Variants in GRIK2 observed in about 807,000 individuals in gnomAD.
The protein encoded by GRIK2 is glutamate ionotropic receptor kainate type subunit 2.
In GRIK2, 32 loss-of-function variants were observed where a neutral mutation model predicts 100.3. That is an observed-to-expected ratio of 0.32 (90% CI 0.24 to 0.43). The LOEUF is 0.43. Among genes scored for constraint, GRIK2 ranks in the 20% least tolerant of loss-of-function variants. GRIK2 has a pLI of 1.00. For missense variants in GRIK2, 843 were observed against 1,114.9 expected, an observed-to-expected ratio of 0.76 and a Z score of 3.47; for synonymous variants, 417 against 389.4, an observed-to-expected ratio of 1.07 and a Z score of -0.83.
At chr6:101,619,448 TAAAG>T (rs1018592242) in intron 2 of GRIK2, among the ~76,000 whole-genome samples, 2 of 151,914 alleles carry the variant, frequency 1.3e-5, no homozygotes, top group East Asian at 1.9e-4. Flanking sequence ...TAAAGATTGA[TAAAG>T]AATAAGAAAG....
chr6:101,728,629 T>A (rs1284066805), intron 7 of GRIK2, among the ~76,000 whole-genome samples: 2 of 151,828 alleles, frequency 1.3e-5, no homozygotes, highest in Non-Finnish European at 2.9e-5. Flanking sequence ...TATTGGAGCC[T>A]GGATTATCTA....
chr6:101,860,661 G>GT (rs1239085751), intron 11 of GRIK2, among the ~76,000 whole-genome samples: 1 of 152,166 alleles, frequency 6.6e-6, no homozygotes, highest in Non-Finnish European at 1.5e-5. Context: ...GATATCACTG[G>GT]TGAAGTCTTT....
intron 14 of GRIK2, among the ~76,000 whole-genome samples, chr6:101,947,876 A>G (rs949649286): frequency 6.6e-6 from 1 of 152,176 alleles, no homozygotes; most frequent in Non-Finnish European, 1.5e-5. Context: ...AGACATGCTT[A>G]ACCCCAACTA....
chr6:102,061,345 T>G (rs529084335), intron 16 of GRIK2, among the ~76,000 whole-genome samples: 1 of 150,784 alleles, frequency 6.6e-6, no homozygotes, highest in East Asian at 1.9e-4. Flanking sequence ...TTATCATCTA[T>G]ATAGTACAGA....
intron 7 of GRIK2, among the ~76,000 whole-genome samples, chr6:101,774,137 C>G (rs998760975): frequency 6.6e-6 from 1 of 151,938 alleles, no homozygotes; most frequent in Non-Finnish European, 1.5e-5. Flanking sequence ...TTAATACTTA[C>G]GTGAATATTT....
At chr6:101,940,456 T>G (rs1273580390) in intron 14 of GRIK2, among the ~76,000 whole-genome samples, 2 of 152,048 alleles carry the variant, frequency 1.3e-5, no homozygotes, top group Non-Finnish European at 2.9e-5. Context: ...GCTAACCTGT[T>G]CCCATCTTTA....
chr6:101,556,320 A>ATTTTTTTTTTTTTTTTT (rs1304574158), intron 2 of GRIK2, among the ~76,000 whole-genome samples: 2 of 55,362 alleles, frequency 3.6e-5, no homozygotes, highest in Non-Finnish European at 8.3e-5. Context: ...ATATATTGGT[A>ATTTTTTTTTTTTTTTTT]ATTTTTTTTT....
intron 12 of GRIK2, among the ~76,000 whole-genome samples, chr6:101,900,454 G>A (rs1431655055): frequency 6.6e-6 from 1 of 152,006 alleles, no homozygotes; most frequent in Non-Finnish European, 1.5e-5. Flanking sequence ...TCCAGCCTGG[G>A]CAACAACAAC....
At chr6:101,460,130 C>G (rs1044834020) in intron 2 of GRIK2, among the ~76,000 whole-genome samples, 1 of 152,080 alleles carries the variant, frequency 6.6e-6, no homozygotes, top group Non-Finnish European at 1.5e-5. Flanking sequence ...TTTTCTCTCC[C>G]CAGTGTCTAG....
chr6:101,769,062 AAACTT>A (rs1778234094), intron 7 of GRIK2, among the ~76,000 whole-genome samples: 1 of 152,264 alleles, frequency 6.6e-6, no homozygotes, highest in Admixed American at 6.5e-5. Context: ...TATCTGTACT[AAACTT>A]CATGCTTTTA....
chr6:101,729,500 A>G (rs1583034133), intron 7 of GRIK2, among the ~76,000 whole-genome samples: 1 of 151,968 alleles, frequency 6.6e-6, no homozygotes, highest in African/African-American at 2.4e-5. Context: ...TTGTTACTCA[A>G]TATTAGTAAA....
chr6:101,700,091 A>T (rs533400214), intron 7 of GRIK2, among the ~76,000 whole-genome samples: 2 of 152,204 alleles, frequency 1.3e-5, no homozygotes, highest in African/African-American at 4.8e-5. Context: ...TCGAAGCTGC[A>T]GTGAGCCGTG....
intron 2 of GRIK2, among the ~76,000 whole-genome samples, chr6:101,428,719 G>A (rs1769203038): frequency 6.6e-6 from 1 of 152,104 alleles, no homozygotes; most frequent in Non-Finnish European, 1.5e-5. Context: ...AAATCATAGA[G>A]TTTAAAAGCA....
At chr6:101,553,757 C>T (rs2128293213) in intron 2 of GRIK2, among the ~76,000 whole-genome samples, 1 of 152,252 alleles carries the variant, frequency 6.6e-6, no homozygotes, top group East Asian at 1.9e-4. Flanking sequence ...TCTGATTCTG[C>T]AAGCCATAGG....
chr6:101,552,373 C>A (rs1306876920), intron 2 of GRIK2, among the ~76,000 whole-genome samples: 2 of 152,062 alleles, frequency 1.3e-5, no homozygotes, highest in African/African-American at 4.8e-5. Flanking sequence ...GATCTCTGTT[C>A]CTTGCTTTTT....
At chr6:101,484,344 G>C (rs1772699653) in intron 2 of GRIK2, among the ~76,000 whole-genome samples, 1 of 152,160 alleles carries the variant, frequency 6.6e-6, no homozygotes, top group African/African-American at 2.4e-5. Context: ...TGAAGAGAAT[G>C]TTGAATATTT....
chr6:101,841,333 T>C (rs1783485413), intron 10 of GRIK2, among the ~76,000 whole-genome samples: 1 of 152,050 alleles, frequency 6.6e-6, no homozygotes, highest in South Asian at 2.1e-4. Context: ...ACTGAATGTT[T>C]AACAAATTCA....
chr6:101,466,102 T>C (rs1386034082), intron 2 of GRIK2, among the ~76,000 whole-genome samples: 1 of 152,188 alleles, frequency 6.6e-6, no homozygotes, highest in Non-Finnish European at 1.5e-5. Context: ...GTTTCCAAAA[T>C]ATTTCCTTCT....
At chr6:102,051,322 C>A (rs114418144) in intron 15 of GRIK2, among the ~76,000 whole-genome samples, 8 of 122,468 alleles carry the variant, frequency 6.5e-5, no homozygotes, top group Non-Finnish European at 1.0e-4. Flanking sequence ...CCACTCTCTG[C>A]AAGCTAGGAC....
Sources: allele counts gnomAD v4.1 joint callset (sites outside exome capture counted in the v4.1 genomes callset), GRCh38; gene constraint gnomAD v4.1.1; transcripts MANE v1.5; gene names NCBI Gene and HGNC (gene_info 2026-07-23, HGNC 2026-07-21).